CNTNAP5: variants seen among roughly 807,000 people sequenced by gnomAD.
CNTNAP5 encodes contactin associated protein family member 5, also known as contactin-associated protein-like 5.
In CNTNAP5, 72 loss-of-function variants were observed where a neutral mutation model predicts 150.2. That is an observed-to-expected ratio of 0.48 (90% CI 0.40 to 0.58). The LOEUF is 0.58. Ranked by LOEUF, CNTNAP5 falls within the 20% of genes least tolerant of loss-of-function variation. The pLI is 0.00. For missense variants in CNTNAP5, 1,636 were observed against 1,626.2 expected (o/e 1.01, Z -0.10); for synonymous variants, 672 against 619.8 (o/e 1.08, Z -1.25).
intron 17 of CNTNAP5, among the ~76,000 whole-genome samples, chr2:124,782,604 T>C (rs1164916735): frequency 6.6e-6 from 1 of 152,120 alleles, no homozygotes; most frequent in Admixed American, 6.5e-5. Context: ...ACATTTTTTT[T>C]TCATCTGTAG....
intron 21 of CNTNAP5, among the ~76,000 whole-genome samples, 163 bp from the exon 22 acceptor site, chr2:124,902,719 G>C (rs142362491): frequency 3.9e-4 from 59 of 152,272 alleles, no homozygotes; most frequent in African/African-American, 1.3e-3. Flanking sequence ...GGGAGTGGAG[G>C]TGGGGAAAGG....
chr2:124,727,792 A>C (rs1254924683), intron 13 of CNTNAP5, among the ~76,000 whole-genome samples: 1 of 151,614 alleles, frequency 6.6e-6, no homozygotes, highest in Admixed American at 6.6e-5. Flanking sequence ...GGATGTTTTT[A>C]TTTCTTTCTT....
intron 13 of CNTNAP5, among the ~76,000 whole-genome samples, chr2:124,707,059 GGA>G (rs1679683713): frequency 7.4e-6 from 1 of 135,918 alleles, no homozygotes; most frequent in African/African-American, 2.7e-5. Context: ...AGGAGGAGGA[GGA>G]GAGGAAGAGG....
chr2:124,429,233 G>A (rs772721119), intron 4 of CNTNAP5, among the ~76,000 whole-genome samples: 2 of 152,140 alleles, frequency 1.3e-5, no homozygotes, highest in Non-Finnish European at 2.9e-5. Context: ...TATTCTTCTT[G>A]AAACTCATCC....
chr2:124,454,609 A>G (rs1693070131), intron 6 of CNTNAP5, among the ~76,000 whole-genome samples: 1 of 152,122 alleles, frequency 6.6e-6, no homozygotes, highest in Non-Finnish European at 1.5e-5. Flanking sequence ...AACAGTGCGT[A>G]GAATGTTCTC....
chr2:124,105,842 C>A (rs1416702552), intron 1 of CNTNAP5, among the ~76,000 whole-genome samples: 1 of 151,910 alleles, frequency 6.6e-6, no homozygotes, highest in Non-Finnish European at 1.5e-5. Context: ...TGTTTGAGAA[C>A]ATATTGATGC....
chr2:124,911,476 G>T lies in CNTNAP5; in HGVS notation c.3665G>T (p.Gly1222Val). 6.3e-7 allele frequency: 1 copy of T among 1,597,812 alleles called. No individual in the cohort carries two copies. Among genetic ancestry groups the T allele is most frequent in the East Asian group, 2.3e-5 (1 of 44,252 alleles). The change falls in exon 23 of 24, where the codon GGG becomes GTG. Residue 1222 changes from glycine to valine, a missense_variant. Gly to Val is a moderately radical substitution (Grantham distance 109, BLOSUM62 -3). Coordinates refer to ENST00000682447, the MANE Select transcript of CNTNAP5 (RefSeq NM_001367498.1). ...CTTTTACTCCTTTCAGATCCTTTTG[G>T]GAAGACAGATGAGCGGGAACCACTC... ...TTVHSSSDPF[G>V]KTDEREPLTN...
intron 3 of CNTNAP5, among the ~76,000 whole-genome samples, chr2:124,414,261 C>T (rs1691860339): frequency 6.6e-6 from 1 of 152,018 alleles, no homozygotes; most frequent in African/African-American, 2.4e-5. Context: ...TCATCCGGCA[C>T]ATAACTTCCG....
At chr2:124,741,499 T>G (rs1035997148) in intron 13 of CNTNAP5, among the ~76,000 whole-genome samples, 31 of 152,328 alleles carry the variant, frequency 2.0e-4, no homozygotes, top group African/African-American at 7.2e-4. Context: ...AACTAACCTG[T>G]TTGAATTCTC....
chr2:124,847,109 G>A (rs1411774893), intron 19 of CNTNAP5, among the ~76,000 whole-genome samples: 1 of 152,202 alleles, frequency 6.6e-6, no homozygotes, highest in Non-Finnish European at 1.5e-5. Flanking sequence ...TAAGGAGGAT[G>A]CATTCTTGCC....
intron 8 of CNTNAP5, among the ~76,000 whole-genome samples, chr2:124,515,016 T>A (rs1694675353): frequency 1.3e-5 from 2 of 152,178 alleles, no homozygotes; most frequent in African/African-American, 4.8e-5. Context: ...CAACCACAAA[T>A]GCATCGTGAG....
intron 3 of CNTNAP5, among the ~76,000 whole-genome samples, chr2:124,284,924 C>T (rs1688110165): frequency 6.6e-6 from 1 of 151,880 alleles, no homozygotes; most frequent in South Asian, 2.1e-4. Flanking sequence ...GGGAGTTCAC[C>T]CAGGGTATTC....
chr2:124,125,966 G>T (rs774831080), intron 1 of CNTNAP5, among the ~76,000 whole-genome samples: 2 of 152,138 alleles, frequency 1.3e-5, no homozygotes, highest in African/African-American at 2.4e-5. Flanking sequence ...AAGCAGGAAA[G>T]ATCTAAAATT....
At chr2:124,347,369 CG>C (rs1278164764) in intron 3 of CNTNAP5, among the ~76,000 whole-genome samples, 1 of 152,032 alleles carries the variant, frequency 6.6e-6, no homozygotes, top group African/African-American at 2.4e-5. Context: ...ACTGAGGGGG[CG>C]GGGGCACAAG....
rs1303786983 is a variant in CNTNAP5 at position 124,915,438 on chromosome 2, G to A, written c.*1150G>A. Among the ~76,000 whole-genome samples, 1 of 151,914 alleles carries A rather than the reference G, an allele frequency of 6.6e-6. No homozygotes were observed. The highest frequency in any genetic ancestry group is 2.1e-4 in the South Asian group (1 of 4,826). Reference sequence around the variant, plus strand: ...TCCATTCACTCACTAAAGACCTGGTGAAGATAGTTAATTCAAATTTGCAAG... The same window carrying A: ...TCCATTCACTCACTAAAGACCTGGTAAAGATAGTTAATTCAAATTTGCAAG... On this transcript the variant is annotated 3_prime_UTR_variant, in exon 24 of 24. Transcript: ENST00000682447.
intron 1 of CNTNAP5, among the ~76,000 whole-genome samples, chr2:124,082,899 T>C (rs566605340): frequency 6.6e-6 from 1 of 152,346 alleles, no homozygotes; most frequent in Admixed American, 6.5e-5. Context: ...GCTGATGGTG[T>C]TGGACATCTT....
At chr2:124,270,352 T>C (rs186233571) in intron 3 of CNTNAP5, among the ~76,000 whole-genome samples, 55 of 151,844 alleles carry the variant, frequency 3.6e-4, no homozygotes, top group Admixed American at 3.2e-3. Context: ...AATAATCAGA[T>C]GTCAAATCTC....
intron 19 of CNTNAP5, among the ~76,000 whole-genome samples, chr2:124,813,756 TTCTC>T (rs1274688303): frequency 6.6e-6 from 1 of 151,924 alleles, no homozygotes; most frequent in Non-Finnish European, 1.5e-5. Context: ...CTTTTCCTCT[TTCTC>T]ACCCCTCTGG....
At chr2:124,096,575 C>T (rs1682937843) in intron 1 of CNTNAP5, among the ~76,000 whole-genome samples, 1 of 152,130 alleles carries the variant, frequency 6.6e-6, no homozygotes, top group African/African-American at 2.4e-5. Context: ...CCTGTATGCT[C>T]TTCACAGATA....
Sources: allele counts gnomAD v4.1 joint callset (sites outside exome capture counted in the v4.1 genomes callset), GRCh38; gene constraint gnomAD v4.1.1; transcripts MANE v1.5; gene names NCBI Gene and HGNC (gene_info 2026-07-23, HGNC 2026-07-21).